Variants in SLC25A48 observed in about 807,000 individuals in gnomAD.
SLC25A48 encodes solute carrier family 25 member 48.
Under a neutral mutation model 32.2 loss-of-function variants are expected in SLC25A48, and 29 were observed. The ratio of observed to expected loss-of-function variants is 0.90; its 90% CI spans 0.67 to 1.23. The LOEUF (loss-of-function observed/expected upper bound fraction) is 1.23, where lower values mean the gene tolerates loss of function less well. Ranked by LOEUF, SLC25A48 falls within the 50% of genes most tolerant of loss-of-function variation. SLC25A48 has a pLI of 0.00. For missense variants in SLC25A48, 399 were observed against 422.7 expected, an observed-to-expected ratio of 0.94 and a Z score of 0.49; for synonymous variants, 164 against 172.3, an observed-to-expected ratio of 0.95 and a Z score of 0.38.
Position 135,852,655 on chromosome 5 carries a change from G to GT in SLC25A48, c.257dup (p.Leu87ProfsTer86). On this transcript the variant is annotated frameshift_variant, in exon 4 of 8. Transcript: ENST00000681962. LOFTEE classifies it high-confidence loss of function. ...TTGGGGTCTTCAGTAACACGCAGCGGTTCCTCAGCCAGCACCGCTGCGGGG... is the reference window on the plus strand; with the variant it reads ...TTGGGGTCTTCAGTAACACGCAGCGGTTTCCTCAGCCAGCACCGCTGCGGGG... 1 of 1,613,856 alleles carries GT rather than the reference G, an allele frequency of 6.2e-7. No individual in the cohort carries two copies. The highest frequency in any genetic ancestry group is 8.5e-7 in the Non-Finnish European group (1 of 1,179,790).
At chr5:135,611,496 CAAAAAAAAAAAAAAA>C (rs57138043) in intron 1 of SLC25A48, among the ~76,000 whole-genome samples, 122 of 21,348 alleles carry the variant, frequency 5.7e-3, no homozygotes, top group Middle Eastern at 0.05. Context: ...GACTCCATCT[CAAAAAAAAAAAAAAA>C]AAAAAAAAAA....
chr5:135,581,133 G>A (rs1751224404), intron 1 of SLC25A48, among the ~76,000 whole-genome samples: 1 of 152,232 alleles, frequency 6.6e-6, no homozygotes, highest in African/African-American at 2.4e-5. Context: ...GATAGTGCAT[G>A]TAATGCTTTT....
chr5:135,733,125 C>T (rs112483003), intron 3 of SLC25A48, among the ~76,000 whole-genome samples: 1,718 of 152,092 alleles, frequency 0.011, 29 homozygotes, highest in African/African-American at 0.039. Flanking sequence ...TTTGCAAGGG[C>T]GAGGGCTCGA....
intron 3 of SLC25A48, among the ~76,000 whole-genome samples, chr5:135,785,717 A>G (rs772816381): frequency 7.1e-6 from 1 of 139,880 alleles, no homozygotes; most frequent in Non-Finnish European, 1.5e-5. Flanking sequence ...CAGAGGGGAG[A>G]GGGAGAGGGT....
intron 4 of SLC25A48, among the ~76,000 whole-genome samples, chr5:135,863,071 A>T (rs1020686962): frequency 1.6e-4 from 25 of 152,250 alleles, no homozygotes; most frequent in African/African-American, 6.0e-4. Flanking sequence ...GGGCTTGGGA[A>T]CAGAGACAGG....
chr5:135,618,899 C>G (rs1050024317), intron 1 of SLC25A48, among the ~76,000 whole-genome samples: 2 of 149,372 alleles, frequency 1.3e-5, no homozygotes, highest in East Asian at 1.9e-4. Flanking sequence ...TGACTAGATG[C>G]CTTTCTCTTT....
chr5:135,873,343 G>A (rs1026076752), intron 5 of SLC25A48, among the ~76,000 whole-genome samples: 1 of 152,160 alleles, frequency 6.6e-6, no homozygotes, highest in East Asian at 1.9e-4. Context: ...TAATAACCTG[G>A]CATTGTTTTC....
chr5:135,599,676 A>C (rs1751742254), intron 1 of SLC25A48, among the ~76,000 whole-genome samples: 1 of 152,214 alleles, frequency 6.6e-6, no homozygotes, highest in South Asian at 2.1e-4. Flanking sequence ...ACCACAGACC[A>C]GCACAAGAAG....
chr5:135,723,102 C>T (rs1355846477), intron 3 of SLC25A48, among the ~76,000 whole-genome samples: 2 of 152,148 alleles, frequency 1.3e-5, no homozygotes, highest in African/African-American at 4.8e-5. Flanking sequence ...TGCACCCATA[C>T]CTGAGGGCTC....
intron 3 of SLC25A48, chr5:135,812,482 A>G (rs1446655318): frequency 7.2e-5 from 11 of 152,256 alleles, no homozygotes; most frequent in Non-Finnish European, 1.3e-4. Flanking sequence ...GGACAGGGGC[A>G]CACAAATTAT....
At chr5:135,844,436 C>T (rs573099861) in intron 2 of SLC25A48, among the ~76,000 whole-genome samples, 7 of 152,298 alleles carry the variant, frequency 4.6e-5, no homozygotes, top group African/African-American at 1.7e-4. Context: ...AGGGTTCATT[C>T]AACAAACCAG....
At chr5:135,736,670 C>CT in intron 3 of SLC25A48, among the ~76,000 whole-genome samples, 1 of 151,904 alleles carries the variant, frequency 6.6e-6, no homozygotes, top group Non-Finnish European at 1.5e-5. Context: ...CAGGCATCCC[C>CT]GTGTGATCAG....
intron 3 of SLC25A48, among the ~76,000 whole-genome samples, chr5:135,669,933 C>CG (rs1273087670): frequency 6.6e-6 from 1 of 152,196 alleles, no homozygotes; most frequent in African/African-American, 2.4e-5. Context: ...AATTAGAGGT[C>CG]TCTGTTCTCC....
intron 3 of SLC25A48, among the ~76,000 whole-genome samples, chr5:135,734,854 C>T (rs977469268): frequency 3.3e-5 from 5 of 150,132 alleles, no homozygotes; most frequent in East Asian, 2.0e-4. Context: ...AAGAAGGGGA[C>T]GGACTTAACC....
chr5:135,786,751 C>T (rs1377777013), intron 3 of SLC25A48, among the ~76,000 whole-genome samples: 2 of 151,952 alleles, frequency 1.3e-5, no homozygotes, highest in Non-Finnish European at 1.5e-5. Context: ...TTTAATGTCG[C>T]AGTGGGTGTA....
At chr5:135,640,058 G>A (rs12522845) in intron 3 of SLC25A48, among the ~76,000 whole-genome samples, 2,983 of 152,244 alleles carry the variant, frequency 0.02, 45 homozygotes, top group Non-Finnish European at 0.027. Context: ...ACTTAATGGG[G>A]AAACAGATGA....
intron 3 of SLC25A48, among the ~76,000 whole-genome samples, chr5:135,697,691 A>T (rs1754299937): frequency 6.6e-6 from 1 of 152,184 alleles, no homozygotes; most frequent in Non-Finnish European, 1.5e-5. Flanking sequence ...AGCCAGTGGC[A>T]TTCAGGTTGC....
At chr5:135,845,873 C>A (rs1008306192) in intron 2 of SLC25A48, among the ~76,000 whole-genome samples, 2 of 152,170 alleles carry the variant, frequency 1.3e-5, no homozygotes, top group Non-Finnish European at 2.9e-5. Flanking sequence ...CCCTTGGCTG[C>A]GTGGTCTTAG....
chr5:135,693,774 G>T (rs571200465), intron 3 of SLC25A48, among the ~76,000 whole-genome samples: 2 of 152,316 alleles, frequency 1.3e-5, no homozygotes, highest in South Asian at 2.1e-4. Flanking sequence ...GGGTCTGAGG[G>T]AATAGAGGAG....
Sources: gnomAD v4.1 joint callset for allele counts (sites outside exome capture counted in the v4.1 genomes callset) on GRCh38, gnomAD v4.1.1 for gene constraint, MANE v1.5 for transcripts, NCBI Gene and HGNC (gene_info 2026-07-23, HGNC 2026-07-21) for gene names.